The following GRID1 variants were observed in gnomAD, a reference collection of about 807,000 sequenced individuals.
GRID1 encodes glutamate receptor ionotropic, delta-1.
A neutral mutation model predicts 98.0 loss-of-function variants in GRID1; 28 were observed. That is an observed-to-expected ratio of 0.29 (90% confidence interval 0.21 to 0.39). GRID1 has a LOEUF of 0.39. Among genes scored for constraint, GRID1 ranks in the 10% least tolerant of loss-of-function variants. The probability of loss-of-function intolerance (pLI) is 1.00; values close to 1 mark genes in which losing one functional copy is unlikely to be tolerated. For missense variants in GRID1, 1,111 were observed against 1,340.5 expected, an observed-to-expected ratio of 0.83 and a Z score of 2.67; for synonymous variants, 553 against 538.5, an observed-to-expected ratio of 1.03 and a Z score of -0.37.
rs1843087982 is a variant in GRID1, at chr10:85,854,344, C to T, written c.1233+152G>A. 1.5e-5 allele frequency: 11 copies of T among 730,178 alleles called. No individual in the cohort carries two copies. The South Asian group carries it at 1.8e-4, about 12-fold the overall frequency. The allele number at this position is 730,178 out of a possible 1,614,324, so 45.2% of individuals were successfully genotyped here. On this transcript the variant is annotated intron_variant, in intron 8 of 15. Coordinates refer to ENST00000327946, the MANE Select transcript of GRID1 (RefSeq NM_017551.3). ...CCTACTCCCTAGCATGCCCTATAAA[C>T]ACCAGCCAATGGTAGCATCAGCAGA...
chr10:86,293,933 A>G (rs779030810), intron 2 of GRID1, among the ~76,000 whole-genome samples: 1 of 152,254 alleles, frequency 6.6e-6, no homozygotes, highest in African/African-American at 2.4e-5. Context: ...AATAACAATA[A>G]GATAATAAAT....
chr10:85,772,487 G>A (rs1300292250), intron 8 of GRID1, among the ~76,000 whole-genome samples: 3 of 151,592 alleles, frequency 2.0e-5, no homozygotes, highest in Non-Finnish European at 4.4e-5. Flanking sequence ...CAGAACTGAA[G>A]GAAATAGAGA....
intron 4 of GRID1, among the ~76,000 whole-genome samples, chr10:85,998,072 A>G (rs935147441): frequency 2.1e-4 from 32 of 152,226 alleles, no homozygotes; most frequent in Non-Finnish European, 2.1e-4. Flanking sequence ...CAACTTTCTC[A>G]GCAATAGATA....
intron 3 of GRID1, among the ~76,000 whole-genome samples, chr10:86,154,601 C>T (rs1845218679): frequency 6.6e-6 from 1 of 152,184 alleles, no homozygotes; most frequent in Non-Finnish European, 1.5e-5. Context: ...TTTCTCACCA[C>T]TGCATACTCC....
chr10:86,137,458 C>T (rs568704736), intron 4 of GRID1, among the ~76,000 whole-genome samples: 7 of 152,212 alleles, frequency 4.6e-5, no homozygotes, highest in East Asian at 1.9e-4. Flanking sequence ...GCAAGGGGAA[C>T]GGGCAAGGAA....
intron 2 of GRID1, among the ~76,000 whole-genome samples, chr10:86,358,960 G>A (rs1848568071): frequency 6.6e-6 from 1 of 152,082 alleles, no homozygotes; most frequent in South Asian, 2.1e-4. Context: ...AGGGCCAGGG[G>A]CTGAGGAATC....
At chr10:85,821,539 A>AAAAAAAAAAAAAAAC (rs770693495) in intron 8 of GRID1, among the ~76,000 whole-genome samples, 1 of 97,592 alleles carries the variant, frequency 1.0e-5, no homozygotes, top group African/African-American at 3.9e-5. Context: ...AAAAAAAAAA[A>AAAAAAAAAAAAAAAC]AAAAAAGAAA....
intron 13 of GRID1, among the ~76,000 whole-genome samples, chr10:85,624,540 C>T (rs149844232): frequency 7.3e-4 from 111 of 152,308 alleles, no homozygotes; most frequent in African/African-American, 2.6e-3. Flanking sequence ...CCAGCCCCCA[C>T]GTTTCTTCCA....
chr10:86,006,998 T>C (rs1208780767), intron 4 of GRID1, among the ~76,000 whole-genome samples: 1 of 152,046 alleles, frequency 6.6e-6, no homozygotes, highest in Non-Finnish European at 1.5e-5. Flanking sequence ...CCCGTCGTCC[T>C]TGGGCGGGAG....
chr10:86,045,359 A>C (rs939467634), intron 4 of GRID1, among the ~76,000 whole-genome samples: 14 of 152,228 alleles, frequency 9.2e-5, no homozygotes, highest in African/African-American at 3.4e-4. Context: ...ACATCTACAC[A>C]TGCTGGAGCA....
intron 5 of GRID1, among the ~76,000 whole-genome samples, chr10:85,875,417 C>A (rs914443826): frequency 6.6e-6 from 1 of 151,928 alleles, no homozygotes; most frequent in South Asian, 2.1e-4. Context: ...TGCCTGTAAA[C>A]CTAATATACT....
intron 12 of GRID1, among the ~76,000 whole-genome samples, chr10:85,708,179 C>T (rs1459948988): frequency 6.0e-5 from 9 of 149,608 alleles, no homozygotes; most frequent in African/African-American, 1.2e-4. Context: ...CCGAGGTGGG[C>T]GGATCACGAG....
chr10:86,167,440 G>A lies in GRID1; in HGVS notation c.521-28416C>T, dbSNP rs555724686. ...ACCAAGCATCTCCCCAGGAAGTAGAGGACAGATCCCATAGGCCACAGACAC... is the reference window on the plus strand; with the variant it reads ...ACCAAGCATCTCCCCAGGAAGTAGAAGACAGATCCCATAGGCCACAGACAC... On this transcript the variant is annotated intron_variant, in intron 3 of 15. Transcript: ENST00000327946. Among the ~76,000 whole-genome samples the A allele has an allele frequency of 2.6e-5, 4 of 152,310 alleles. No individual in the cohort carries two copies. The South Asian group carries it at 8.3e-4, about 32-fold the overall frequency.
At position 85,924,638 on chromosome 10, in the gene GRID1, G is replaced by A. The variant is rs567136693; in HGVS notation, c.727-8399C>T. On this transcript the variant is annotated intron_variant, in intron 4 of 15. Coordinates refer to ENST00000327946, the MANE Select transcript of GRID1 (RefSeq NM_017551.3). ...CTGAAAGAGAGTTCACTGGAAGAGA[G>A]AGTGTTCAGCATTAGACTTTTTTGA... Among the ~76,000 whole-genome samples, 9 of 152,356 alleles carry A rather than the reference G, an allele frequency of 5.9e-5. No homozygotes were observed. In the East Asian group the frequency reaches 1.5e-3, roughly 26 times the overall value.
At position 85,997,728 on chromosome 10, in the gene GRID1, A is replaced by G. The variant is rs138724116; in HGVS notation, c.727-81489T>C. The stretch of plus-strand genomic sequence containing the variant: ...GACGTAAATCTAAAGAAATTACTAA[A>G]TGCATTAAATGTAAATGGTCTAAAC... On this transcript the variant is annotated intron_variant, in intron 4 of 15. Transcript: ENST00000327946. Among the ~76,000 whole-genome samples the G allele has an allele frequency of 3.5e-3, 530 of 152,266 alleles. 3 individuals are homozygous for G. Among genetic ancestry groups the G allele is most frequent in the Middle Eastern group, 0.024 (7 of 294 alleles).
chr10:86,295,469 G>T (rs1433875826), intron 2 of GRID1, among the ~76,000 whole-genome samples: 1 of 152,184 alleles, frequency 6.6e-6, no homozygotes. Context: ...TGGGGATGGA[G>T]CATCGCCATC....
In GRID1 at chr10:85,957,561, T is replaced by C. The variant is rs79388489; in HGVS notation, c.727-41322A>G. Among the ~76,000 whole-genome samples the C allele has an allele frequency of 1.8e-4, 27 of 152,110 alleles. No homozygotes were observed. The East Asian group carries it at 5.2e-3, about 29-fold the overall frequency. ...CAAGATGGAACTCCCCAAAATGAAA[T>C]CAGAGAGCAGTAGGAAGGAGGAAAG... On this transcript the variant is annotated intron_variant, in intron 4 of 15. Coordinates refer to ENST00000327946, the MANE Select transcript of GRID1 (RefSeq NM_017551.3).
intron 4 of GRID1, among the ~76,000 whole-genome samples, chr10:85,996,155 A>G (rs1842736616): frequency 6.6e-6 from 1 of 152,234 alleles, no homozygotes; most frequent in Non-Finnish European, 1.5e-5. Flanking sequence ...AAGAGTCATA[A>G]TATTCAAAAT....
chr10:86,339,448 T>C (rs1383587280), intron 2 of GRID1, among the ~76,000 whole-genome samples: 1 of 152,198 alleles, frequency 6.6e-6, no homozygotes, highest in Non-Finnish European at 1.5e-5. Flanking sequence ...AACTTGCAGC[T>C]CCCAGGGGTG....
Sources: gnomAD v4.1 joint callset for allele counts (sites outside exome capture counted in the v4.1 genomes callset) on GRCh38, gnomAD v4.1.1 for gene constraint, MANE v1.5 for transcripts, NCBI Gene and HGNC (gene_info 2026-07-23, HGNC 2026-07-21) for gene names.